COX15: variants seen among roughly 807,000 people sequenced by gnomAD.
The protein encoded by COX15 is cytochrome c oxidase assembly factor COX15.
A neutral mutation model predicts 51.9 loss-of-function variants in COX15; 51 were observed. That is an observed-to-expected ratio of 0.98 (90% confidence interval 0.78 to 1.24). The LOEUF is 1.24. Ranked by LOEUF, COX15 falls within the 50% of genes most tolerant of loss-of-function variation. COX15 has a pLI of 0.00. For synonymous variants in COX15, 188 were observed against 190.5 expected (o/e 0.99, Z 0.11); for missense variants, 420 against 501.1 (o/e 0.84, Z 1.55).
the COX15 span, among the ~76,000 whole-genome samples, chr10:99,701,922 C>T: frequency 2.6e-5 from 4 of 151,974 alleles, no homozygotes; most frequent in African/African-American, 7.2e-5. Flanking sequence ...GTGGCAGGTG[C>T]CTGTAATCCC....
chr10:99,727,509 C>T lies in COX15; in HGVS notation c.327G>A (p.Lys109=). ...CCCATTCCTCTTGGCTTGTAGGTGGCTTCATCTCCTTTATTAAATGCCAAT... is the reference window on the plus strand; with the variant it reads ...CCCATTCCTCTTGGCTTGTAGGTGGTTTCATCTCCTTTATTAAATGCCAAT... ...MVDWHLIKEM[K]PPTSQEEWEA... is the part of the protein sequence containing the mutation. The change falls in exon 3 of 9, where the codon AAG becomes AAA. Residue 109 remains lysine, a synonymous_variant. Transcript: ENST00000016171. 2 of 1,613,470 alleles carry T rather than the reference C, an allele frequency of 1.2e-6. No individual in the cohort carries two copies. The highest frequency in any genetic ancestry group is 1.1e-5 in the South Asian group (1 of 91,044).
In COX15 at chr10:99,726,244, C is replaced by T. The variant is rs72832524; in HGVS notation, c.582+724G>A. 3.5e-3 allele frequency among the ~76,000 whole-genome samples: 537 copies of T among 152,278 alleles called. 3 individuals carry two copies. Among genetic ancestry groups the T allele is most frequent in the Non-Finnish European group, 6.0e-3 (408 of 68,024 alleles). ...CATTCTAGCACAGGGATCCCTCTTT[C>T]CTATAGCAGACAAGTTAGAAAAAGA... On this transcript the variant is annotated intron_variant, in intron 4 of 8. Coordinates refer to ENST00000016171, the MANE Select transcript of COX15 (RefSeq NM_078470.6).
the COX15 span, chr10:99,696,127 A>G: frequency 2.5e-6 from 4 of 1,612,596 alleles, no homozygotes; most frequent in African/African-American, 5.3e-5. Context: ...AAACAGGTAC[A>G]TTTGATATGG....
intron 6 of COX15, among the ~76,000 whole-genome samples, chr10:99,719,214 G>A (rs1343665121): frequency 6.6e-6 from 1 of 151,852 alleles, no homozygotes; most frequent in Non-Finnish European, 1.5e-5. Flanking sequence ...GGTCACACTC[G>A]CTTTTTTCTT....
At chr10:99,718,270 T>C in intron 7 of COX15, 76 bp downstream of exon 7, 1 of 1,510,564 alleles carries the variant, frequency 6.6e-7, no homozygotes, top group South Asian at 1.1e-5. Context: ...AGTGTTGCCA[T>C]CAGTGCTTCA....
Position 99,713,576 on chromosome 10 carries a change from ATTTTT to A in COX15, c.*1006_*1010del, listed in dbSNP as rs1463788781. The A allele has an allele frequency of 3.9e-6, 6 of 1,524,348 alleles. No homozygotes were observed. Among genetic ancestry groups the A allele is most frequent in the African/African-American group, 2.8e-5 (2 of 72,500 alleles). 94.4% of individuals were successfully genotyped at this position (1,524,348 alleles called of 1,614,324 possible). A position where few individuals can be genotyped will look rare whatever the true frequency, so the allele number is the denominator to read the frequency against. On this transcript the variant is annotated 3_prime_UTR_variant, in exon 9 of 9. Transcript: ENST00000016171. ...CCATGCACTACACCATCAAGGCCATATTTTTCTTATTACAAAGCTGTTAGGAAACC... is the reference window on the plus strand; with the variant it reads ...CCATGCACTACACCATCAAGGCCATACTTATTACAAAGCTGTTAGGAAACC...
intron 5 of COX15, 87 bp downstream of exon 5, chr10:99,723,869 T>C: frequency 1.4e-6 from 2 of 1,466,436 alleles, no homozygotes; most frequent in Admixed American, 1.7e-5. Context: ...TCAACTCCTA[T>C]ATGATCCAGC....
At chr10:99,701,380 T>C in the COX15 span, among the ~76,000 whole-genome samples, 2 of 151,708 alleles carry the variant, frequency 1.3e-5, no homozygotes, top group Admixed American at 6.6e-5. Flanking sequence ...CTCCGCCTCC[T>C]GGGTTCCAGC....
chr10:99,720,874 A>G, intron 6 of COX15, 113 bp downstream of exon 6: 1 of 833,038 alleles, frequency 1.2e-6, no homozygotes, highest in Non-Finnish European at 2.0e-6. Context: ...AATGAGAGAA[A>G]CAGATGTGAA....
intron 6 of COX15, 151 bp from the exon 7 acceptor site, chr10:99,718,651 G>A (rs2036652078): frequency 3.7e-6 from 3 of 806,564 alleles, no homozygotes; most frequent in Non-Finnish European, 6.3e-6. Flanking sequence ...TTCTCCAACA[G>A]AGAAGATACA....
the COX15 span, among the ~76,000 whole-genome samples, chr10:99,701,454 A>G: frequency 2.6e-5 from 4 of 151,484 alleles, no homozygotes; most frequent in Admixed American, 1.3e-4. Context: ...TGCCTGGCCA[A>G]TTTTTGTATT....
At chr10:99,710,680 T>C, downstream of COX15, 1 of 985,450 alleles carries the variant, frequency 1.0e-6, no homozygotes, top group Non-Finnish European at 1.2e-6. Flanking sequence ...CATATGCTGA[T>C]ATATAACCCA....
At chr10:99,706,516 T>A (rs2036257324), downstream of COX15, among the ~76,000 whole-genome samples, 2 of 151,976 alleles carry the variant, frequency 1.3e-5, no homozygotes, top group South Asian at 4.2e-4. Context: ...TTTATTTTAT[T>A]TTTTTAGAGA....
At position 99,711,508 on chromosome 10, in the gene COX15, G is replaced by C. The variant is rs2036385021; in HGVS notation, c.*3079C>G. 1.0e-6 allele frequency: 1 copy of C among 985,458 alleles called. No homozygotes were observed. Among genetic ancestry groups the C allele is most frequent in the Non-Finnish European group, 1.2e-6 (1 of 829,936 alleles). 61.0% of individuals were successfully genotyped at this position (985,458 alleles called of 1,614,324 possible). On this transcript the variant is annotated 3_prime_UTR_variant, in exon 9 of 9. Coordinates refer to ENST00000016171, the MANE Select transcript of COX15 (RefSeq NM_078470.6). ...AAATGATAAGGTGGGGTGGAAATTA[G>C]AAGGGAATGGGAATAAGCTAGTCAG...
chr10:99,701,289 G>T, the COX15 span, among the ~76,000 whole-genome samples: 86 of 60,638 alleles, frequency 1.4e-3, 3 homozygotes, highest in South Asian at 0.051. Context: ...CAACAAAAGT[G>T]ATTTTTTTTT....
chr10:99,726,800 G>A (rs1301638794), intron 4 of COX15, among the ~76,000 whole-genome samples, 168 bp downstream of exon 4: 2 of 151,314 alleles, frequency 1.3e-5, no homozygotes, highest in Non-Finnish European at 2.9e-5. Context: ...GCAGGAGAAT[G>A]GTATGAACCT....
chr10:99,718,548 A>T (rs768722055), intron 6 of COX15, 48 bp from the exon 7 acceptor site: 1 of 1,588,058 alleles, frequency 6.3e-7, no homozygotes, highest in Non-Finnish European at 8.6e-7. Context: ...GGAAGAAGAG[A>T]CCAAATACTA....
downstream of COX15, among the ~76,000 whole-genome samples, chr10:99,706,991 C>T (rs1283178686): frequency 1.3e-5 from 2 of 152,158 alleles, no homozygotes; most frequent in Non-Finnish European, 2.9e-5. Context: ...ATTCTTCATC[C>T]TGGCTGTAAT....
chr10:99,722,289 CAG>C (rs1473184438), intron 5 of COX15, among the ~76,000 whole-genome samples: 3 of 152,202 alleles, frequency 2.0e-5, no homozygotes, highest in Non-Finnish European at 2.9e-5. Flanking sequence ...TCTAAACTAA[CAG>C]AGAAAAACAA....
Sources: gnomAD v4.1 joint callset for allele counts (sites outside exome capture counted in the v4.1 genomes callset) on GRCh38, gnomAD v4.1.1 for gene constraint, MANE v1.5 for transcripts, NCBI Gene and HGNC (gene_info 2026-07-23, HGNC 2026-07-21) for gene names.